The following ATXN7L1 variants were observed in gnomAD, a reference collection of about 807,000 sequenced individuals.
ATXN7L1 encodes ataxin-7-like protein 1.
Under a neutral mutation model 70.8 loss-of-function variants are expected in ATXN7L1, and 15 were observed. The ratio of observed to expected loss-of-function variants is 0.21; its 90% CI spans 0.14 to 0.33. The LOEUF (loss-of-function observed/expected upper bound fraction) is 0.33. Among genes scored for constraint, ATXN7L1 ranks in the 10% least tolerant of loss-of-function variants. The pLI is 1.00. For missense variants in ATXN7L1, 975 were observed against 1,097.1 expected (o/e 0.89, Z 1.57); for synonymous variants, 440 against 445.1 (o/e 0.99, Z 0.14).
intron 3 of ATXN7L1, among the ~76,000 whole-genome samples, chr7:105,713,434 C>T (rs1007114555): frequency 5.3e-5 from 8 of 152,216 alleles, no homozygotes; most frequent in African/African-American, 1.2e-4. Flanking sequence ...GAGCCCAATG[C>T]GTTGCAGGAA....
At chr7:105,825,068 A>G (rs1810683080) in intron 2 of ATXN7L1, among the ~76,000 whole-genome samples, 1 of 152,248 alleles carries the variant, frequency 6.6e-6, no homozygotes, top group Non-Finnish European at 1.5e-5. Flanking sequence ...ATCTCATATT[A>G]AGAGTGACAC....
intron 7 of ATXN7L1, among the ~76,000 whole-genome samples, chr7:105,627,088 C>T (rs1238897643): frequency 6.6e-6 from 1 of 152,122 alleles, no homozygotes; most frequent in Non-Finnish European, 1.5e-5. Context: ...TGTTTCCAAA[C>T]TTTCTAACAG....
intron 5 of ATXN7L1, among the ~76,000 whole-genome samples, chr7:105,641,705 C>T (rs969447271): frequency 1.3e-5 from 2 of 152,354 alleles, no homozygotes; most frequent in South Asian, 2.1e-4. Context: ...TGGGGGCTCC[C>T]GCCCGAACTG....
intron 3 of ATXN7L1, among the ~76,000 whole-genome samples, chr7:105,681,452 G>T (rs1199175794): frequency 3.9e-5 from 6 of 152,186 alleles, no homozygotes. Context: ...CACTGTTGGT[G>T]GGAATGTAAA....
At chr7:105,661,893 C>A (rs191669884) in intron 4 of ATXN7L1, among the ~76,000 whole-genome samples, 146 of 152,258 alleles carry the variant, frequency 9.6e-4, no homozygotes, top group Non-Finnish European at 1.7e-3. Context: ...ATTGCCCGTG[C>A]CTTTCTCTTC....
intron 3 of ATXN7L1, among the ~76,000 whole-genome samples, chr7:105,667,530 T>G (rs1802825670): frequency 8.6e-6 from 1 of 116,602 alleles, no homozygotes. Flanking sequence ...AAACCCCGTC[T>G]CTACTAAAAA....
intron 3 of ATXN7L1, among the ~76,000 whole-genome samples, chr7:105,743,099 T>TCAGATCTGGCCTCC (rs1798197132): frequency 6.6e-6 from 1 of 152,160 alleles, no homozygotes; most frequent in Admixed American, 6.5e-5. Context: ...GTGGGAGCTG[T>TCAGATCTGGCCTCC]CAGATCTGGC....
chr7:105,755,337 A>G (rs1799682163), intron 3 of ATXN7L1, among the ~76,000 whole-genome samples: 2 of 152,218 alleles, frequency 1.3e-5, no homozygotes, highest in Admixed American at 6.5e-5. Flanking sequence ...TATAGAGGAA[A>G]TGGGTGCTGG....
chr7:105,816,314 T>C (rs1390161435), intron 2 of ATXN7L1, among the ~76,000 whole-genome samples: 2 of 152,204 alleles, frequency 1.3e-5, no homozygotes, highest in African/African-American at 2.4e-5. Flanking sequence ...AGCTGAATTT[T>C]AAACTGGTTT....
At chr7:105,733,605 CCCATCCAT>C (rs1563048921) in intron 3 of ATXN7L1, among the ~76,000 whole-genome samples, 222 of 13,002 alleles carry the variant, frequency 0.017, 17 homozygotes, top group Middle Eastern at 0.056. Flanking sequence ...CATCCATCCA[CCCATCCAT>C]CCATCCATCC....
At chr7:105,867,178 A>G (rs1817610800) in intron 2 of ATXN7L1, among the ~76,000 whole-genome samples, 1 of 152,188 alleles carries the variant, frequency 6.6e-6, no homozygotes. Context: ...AGAAGGCCTC[A>G]GGAATCAGAC....
chr7:105,801,731 A>G (rs770127188), intron 2 of ATXN7L1, among the ~76,000 whole-genome samples: 1 of 152,202 alleles, frequency 6.6e-6, no homozygotes, highest in Non-Finnish European at 1.5e-5. Context: ...CTGGAGCCGA[A>G]TGGAACTGCT....
At chr7:105,678,921 A>G (rs1805132461) in intron 3 of ATXN7L1, 2 of 302,970 alleles carry the variant, frequency 6.6e-6, no homozygotes, top group Admixed American at 6.5e-5. Flanking sequence ...AGCACTGTCT[A>G]TGCTAACACT....
chr7:105,863,703 C>T (rs531195296), intron 2 of ATXN7L1, among the ~76,000 whole-genome samples: 1 of 152,294 alleles, frequency 6.6e-6, no homozygotes, highest in South Asian at 2.1e-4. Flanking sequence ...CACTTGACCT[C>T]TCTGAGCCTC....
At chr7:105,642,430 T>C (rs1798410859) in intron 5 of ATXN7L1, among the ~76,000 whole-genome samples, 1 of 152,242 alleles carries the variant, frequency 6.6e-6, no homozygotes, top group African/African-American at 2.4e-5. Flanking sequence ...CTCACATGCC[T>C]TGAGGCACCA....
intron 2 of ATXN7L1, among the ~76,000 whole-genome samples, chr7:105,849,721 C>T (rs1814599661): frequency 6.6e-6 from 1 of 152,212 alleles, no homozygotes; most frequent in South Asian, 2.1e-4. Flanking sequence ...GATGTTCAGG[C>T]CCCTGAATGA....
chr7:105,806,357 T>C (rs1042664871), intron 2 of ATXN7L1, among the ~76,000 whole-genome samples: 103 of 152,162 alleles, frequency 6.8e-4, no homozygotes, highest in African/African-American at 2.3e-3. Context: ...ACCCGTCCAC[T>C]CACCATGCGG....
intron 3 of ATXN7L1, among the ~76,000 whole-genome samples, chr7:105,748,655 T>C (rs1386576852): frequency 6.6e-6 from 1 of 152,184 alleles, no homozygotes; most frequent in African/African-American, 2.4e-5. Flanking sequence ...AGGCTCACCC[T>C]CCTGCTTCCA....
At chr7:105,764,672 T>G (rs965049424) in intron 3 of ATXN7L1, among the ~76,000 whole-genome samples, 15 of 152,218 alleles carry the variant, frequency 9.9e-5, no homozygotes, top group African/African-American at 3.6e-4. Flanking sequence ...GAGTTCACAA[T>G]ACTCTCTTCC....
Sources: gnomAD v4.1 joint callset for allele counts (sites outside exome capture counted in the v4.1 genomes callset) on GRCh38, gnomAD v4.1.1 for gene constraint, MANE v1.5 for transcripts, NCBI Gene and HGNC (gene_info 2026-07-23, HGNC 2026-07-21) for gene names.